Variants in MGAT4C observed in about 807,000 individuals in gnomAD.
MGAT4C encodes MGAT4 family member C.
In MGAT4C, 19 loss-of-function variants were observed where a neutral mutation model predicts 40.1. The ratio of observed to expected loss-of-function variants is 0.47; its 90% CI spans 0.33 to 0.70. The LOEUF is 0.70. Ranked by LOEUF, MGAT4C falls within the 30% of genes least tolerant of loss-of-function variation. The pLI, the probability that MGAT4C is intolerant of heterozygous loss-of-function variation, is 0.02. For synonymous variants in MGAT4C, 181 were observed against 187.1 expected (o/e 0.97, Z 0.27); for missense variants, 491 against 563.2 (o/e 0.87, Z 1.30).
At position 86,595,403 on chromosome 12, in the gene MGAT4C, C is replaced by T. The variant is rs143123359; in HGVS notation, c.-229+131806G>A. Among the ~76,000 whole-genome samples, 70 of 152,052 alleles carry T rather than the reference C, an allele frequency of 4.6e-4. No homozygotes were observed. In the East Asian group the frequency reaches 7.0e-3, roughly 15 times the overall value. ...AAAATTAGCAGGATGTGGTGGCACACGCCTGTAGTCCCAGCTACTCGGGAG... is the reference window on the plus strand; with the variant it reads ...AAAATTAGCAGGATGTGGTGGCACATGCCTGTAGTCCCAGCTACTCGGGAG... On this transcript the variant is annotated intron_variant, in intron 2 of 7. Coordinates refer to the MGAT4C transcript ENST00000548651.
In MGAT4C at chr12:86,237,344, G is replaced by A. The variant is rs142647195; in HGVS notation, c.-57+18895C>T. 4.8e-3 allele frequency among the ~76,000 whole-genome samples: 728 copies of A among 151,782 alleles called. 6 individuals are homozygous for A. The highest frequency in any genetic ancestry group is 7.5e-3 in the Non-Finnish European group (507 of 67,762). On this transcript the variant is annotated intron_variant, in intron 1 of 4. Coordinates refer to ENST00000611864, the MANE Select transcript of MGAT4C (RefSeq NM_001351288.2). Reference sequence around the variant, plus strand: ...AAAATTGTGATAGTTTGCAATTTAGGATTGTTGGGCAATTAAAGGGGAAAA... The same window carrying A: ...AAAATTGTGATAGTTTGCAATTTAGAATTGTTGGGCAATTAAAGGGGAAAA...
chr12:86,370,332 G>A lies in MGAT4C; in HGVS notation c.-119-36205C>T, dbSNP rs151053482. ...GGAAGTGATACTTCCACTGAAACTG[G>A]AAAGATAAATAGATATCTTCAGCAT... On this transcript the variant is annotated intron_variant, in intron 3 of 7. Transcript: ENST00000548651. Among the ~76,000 whole-genome samples the A allele has an allele frequency of 3.4e-3, 511 of 152,164 alleles. 2 individuals carry two copies. The highest frequency in any genetic ancestry group is 0.031 in the Middle Eastern group (9 of 292).
chr12:86,361,622 C>T (rs1210573102), intron 3 of MGAT4C, among the ~76,000 whole-genome samples: 6 of 152,194 alleles, frequency 3.9e-5, no homozygotes, highest in Non-Finnish European at 2.9e-5. Flanking sequence ...CTACAAAGAA[C>T]TCAAACAAAT....
intron 2 of MGAT4C, among the ~76,000 whole-genome samples, chr12:86,589,287 A>G (rs1348846285): frequency 6.6e-6 from 1 of 151,690 alleles, no homozygotes; most frequent in African/African-American, 2.4e-5. Flanking sequence ...CTACGCAAAT[A>G]AACTAGAAAA....
chr12:86,075,172 G>T (rs756523898), intron 1 of MGAT4C, among the ~76,000 whole-genome samples: 4 of 152,156 alleles, frequency 2.6e-5, no homozygotes, highest in Non-Finnish European at 5.9e-5. Context: ...AGATACAATG[G>T]GGGTACAGTA....
intron 1 of MGAT4C, among the ~76,000 whole-genome samples, chr12:86,110,078 C>T (rs867596199): frequency 6.7e-5 from 10 of 149,990 alleles, no homozygotes; most frequent in African/African-American, 2.2e-4. Context: ...CAGAAGAATG[C>T]CAAAATGACT....
chr12:86,413,942 T>C (rs1462232234), intron 3 of MGAT4C, among the ~76,000 whole-genome samples: 3 of 152,006 alleles, frequency 2.0e-5, no homozygotes, highest in Non-Finnish European at 2.9e-5. Flanking sequence ...AATTGTTTTG[T>C]TCAGTAACTA....
intron 1 of MGAT4C, among the ~76,000 whole-genome samples, chr12:86,751,252 A>G (rs1380437307): frequency 6.6e-6 from 1 of 152,018 alleles, no homozygotes; most frequent in African/African-American, 2.4e-5. Context: ...TTTCAGTTAT[A>G]ACACACTAAA....
intron 1 of MGAT4C, among the ~76,000 whole-genome samples, chr12:86,118,295 G>C (rs1358616752): frequency 1.3e-5 from 2 of 152,062 alleles, no homozygotes; most frequent in Non-Finnish European, 2.9e-5. Context: ...TATTGTTCAG[G>C]GTCCGGCAAG....
At chr12:86,177,825 T>C (rs1320177463) in intron 1 of MGAT4C, among the ~76,000 whole-genome samples, 2 of 152,202 alleles carry the variant, frequency 1.3e-5, no homozygotes, top group African/African-American at 4.8e-5. Context: ...CAGATACTTA[T>C]ATTGTGATTA....
chr12:86,622,522 G>A (rs763836039), intron 2 of MGAT4C, among the ~76,000 whole-genome samples: 1 of 152,050 alleles, frequency 6.6e-6, no homozygotes, highest in Non-Finnish European at 1.5e-5. Flanking sequence ...AATTGAGGGA[G>A]CACCAGGTAA....
intron 2 of MGAT4C, among the ~76,000 whole-genome samples, chr12:86,474,644 A>G (rs564759777): frequency 3.7e-4 from 56 of 152,152 alleles, no homozygotes; most frequent in Non-Finnish European, 4.9e-4. Context: ...TATGAATTGT[A>G]TAAATGACAA....
intron 2 of MGAT4C, among the ~76,000 whole-genome samples, chr12:86,700,138 TAGACAGACAGACAGACAGACAGACAGAC>T (rs60647571): frequency 1.4e-5 from 2 of 142,316 alleles, no homozygotes; most frequent in East Asian, 2.1e-4. Flanking sequence ...TGTAGATAGA[TAGACAGACAGACAGACAGACAGACAGAC>T]AGACAGACAG....
chr12:86,355,866 C>T (rs1156500894), intron 3 of MGAT4C, among the ~76,000 whole-genome samples: 2 of 151,880 alleles, frequency 1.3e-5, no homozygotes, highest in Non-Finnish European at 2.9e-5. Context: ...CTGTATTTTG[C>T]CTCTGTACGT....
At chr12:86,134,021 A>G (rs58054764) in intron 1 of MGAT4C, among the ~76,000 whole-genome samples, 7,518 of 152,064 alleles carry the variant, frequency 0.049, 485 homozygotes, top group East Asian at 0.28. Flanking sequence ...CTACGTTTGC[A>G]TTTTTTATTT....
chr12:86,783,337 T>A (rs895978919), intron 1 of MGAT4C, among the ~76,000 whole-genome samples: 17 of 152,328 alleles, frequency 1.1e-4, no homozygotes, highest in Admixed American at 2.0e-4. Context: ...GTCATATATT[T>A]ACACAGTTTG....
At chr12:86,675,990 A>T (rs1302390185) in intron 2 of MGAT4C, among the ~76,000 whole-genome samples, 1 of 151,254 alleles carries the variant, frequency 6.6e-6, no homozygotes, top group African/African-American at 2.4e-5. Context: ...AAAAACATTC[A>T]TTTCAATGAA....
intron 3 of MGAT4C, among the ~76,000 whole-genome samples, chr12:86,341,602 C>G (rs1046653618): frequency 1.6e-4 from 25 of 152,328 alleles, no homozygotes; most frequent in African/African-American, 5.5e-4. Context: ...CACTGCACTC[C>G]CCTAAGAAGG....
At position 86,488,407 on chromosome 12, in the gene MGAT4C, A is replaced by G. The variant is rs1226583351; in HGVS notation, c.-228-53142T>C. Among the ~76,000 whole-genome samples, 6 of 151,154 alleles carry G rather than the reference A, an allele frequency of 4.0e-5. No individual in the cohort carries two copies. In the East Asian group the frequency reaches 1.2e-3, roughly 29 times the overall value. ...ATGGCATCGTACTCCAGCCTGGGTG[A>G]CAGGGTGAGACCCTGTCTCAAAAAA... On this transcript the variant is annotated intron_variant, in intron 2 of 7. Transcript: ENST00000548651.
Sources: gnomAD v4.1 joint callset for allele counts (sites outside exome capture counted in the v4.1 genomes callset) on GRCh38, gnomAD v4.1.1 for gene constraint, MANE v1.5 for transcripts, NCBI Gene and HGNC (gene_info 2026-07-23, HGNC 2026-07-21) for gene names.